Variants in JAK1 observed in about 807,000 individuals in gnomAD.
JAK1 encodes the protein Janus kinase 1, also known as tyrosine-protein kinase JAK1.
JAK1 carries 16 observed loss-of-function variants against 136.6 expected under a neutral mutation model. That is an observed-to-expected ratio of 0.12 (90% CI 0.08 to 0.18). The LOEUF is 0.18. Ranked by LOEUF, JAK1 falls within the 10% of genes least tolerant of loss-of-function variation. The pLI is 1.00. For synonymous variants in JAK1, 492 were observed against 519.5 expected, an observed-to-expected ratio of 0.95 and a Z score of 0.72; for missense variants, 859 against 1,450.1, an observed-to-expected ratio of 0.59 and a Z score of 6.62.
chr1:64,985,017 T>G lies in JAK1; in HGVS notation c.-78+59463A>C, dbSNP rs1275991880. On this transcript the variant is annotated intron_variant, in intron 2 of 25. Coordinates refer to the JAK1 transcript ENST00000671954. ...CCCAATACAGACAAAGCTTATCCCATTACACTCATCCTTCAATAACAAACA... is the reference window on the plus strand; with the variant it reads ...CCCAATACAGACAAAGCTTATCCCAGTACACTCATCCTTCAATAACAAACA... 4 of 861,052 alleles carry G rather than the reference T, an allele frequency of 4.6e-6. No homozygotes were observed. The African/African-American group carries it at 6.6e-5, about 14-fold the overall frequency. 53.3% of individuals were successfully genotyped at this position (861,052 alleles called of 1,614,324 possible). A position where few individuals can be genotyped will look rare whatever the true frequency, so the allele number is the denominator to read the frequency against.
intron 1 of JAK1, among the ~76,000 whole-genome samples, chr1:64,917,769 G>A (rs180927243): frequency 1.0e-3 from 158 of 152,280 alleles, no homozygotes; most frequent in Non-Finnish European, 1.6e-3. Flanking sequence ...CCAGGGTGGA[G>A]CAGCACATTC....
At chr1:65,007,044 T>C (rs960743491) in intron 2 of JAK1, among the ~76,000 whole-genome samples, 2 of 152,180 alleles carry the variant, frequency 1.3e-5, no homozygotes, top group Non-Finnish European at 1.5e-5. Flanking sequence ...GTGGACCTAA[T>C]AGCCAAGCAA....
chr1:64,981,834 C>G (rs1446213280), intron 2 of JAK1, among the ~76,000 whole-genome samples: 1 of 152,188 alleles, frequency 6.6e-6, no homozygotes, highest in East Asian at 1.9e-4. Context: ...AGCTCCTGTT[C>G]TTTTCACTGT....
intron 1 of JAK1, among the ~76,000 whole-genome samples, chr1:65,062,829 CTTGATTGA>C (rs142350431): frequency 1.3e-5 from 2 of 152,296 alleles, no homozygotes; most frequent in South Asian, 2.1e-4. Flanking sequence ...TCAACAGATA[CTTGATTGA>C]TTGATTAATT....
chr1:64,916,064 C>T (rs1195719498), intron 1 of JAK1, among the ~76,000 whole-genome samples: 3 of 152,170 alleles, frequency 2.0e-5, no homozygotes, highest in East Asian at 1.9e-4. Flanking sequence ...CTCTTAGTGA[C>T]GTTCAAAGTT....
At chr1:65,026,926 T>A (rs913715231) in intron 2 of JAK1, among the ~76,000 whole-genome samples, 1 of 151,974 alleles carries the variant, frequency 6.6e-6, no homozygotes, top group African/African-American at 2.4e-5. Context: ...CACTCTAGCC[T>A]GGGCAACAGA....
chr1:64,889,667 T>C (rs1434593530), intron 1 of JAK1, among the ~76,000 whole-genome samples: 1 of 152,190 alleles, frequency 6.6e-6, no homozygotes, highest in African/African-American at 2.4e-5. Flanking sequence ...CTGCAATAGA[T>C]AAAATGTCAG....
chr1:64,973,156 G>GAAGA lies in JAK1; in HGVS notation c.-78+71320_-78+71323dup, dbSNP rs1218649134. 30 of 120,686 alleles carry GAAGA rather than the reference G, an allele frequency of 2.5e-4. 5 individuals are homozygous for GAAGA. The highest frequency in any genetic ancestry group is 4.4e-4 in the Admixed American group (5 of 11,312). 7.5% of individuals were successfully genotyped at this position (120,686 alleles called of 1,614,324 possible). ...GAAAAAGAGAAAGAAAGAAAGAAAG[G>GAAGA]AAGAAAGGAAGAAAAAGAAAGAAAG... On this transcript the variant is annotated intron_variant, in intron 2 of 25. Coordinates refer to the JAK1 transcript ENST00000671954.
intron 5 of JAK1, among the ~76,000 whole-genome samples, chr1:64,869,917 T>C (rs1656970427): frequency 6.6e-6 from 1 of 152,126 alleles, no homozygotes; most frequent in African/African-American, 2.4e-5. Flanking sequence ...CTGGTGTAGC[T>C]CTAGGGAAAG....
At chr1:64,900,351 A>T (rs1296601334) in intron 1 of JAK1, among the ~76,000 whole-genome samples, 1 of 152,228 alleles carries the variant, frequency 6.6e-6, no homozygotes, top group Non-Finnish European at 1.5e-5. Context: ...GGAACAGATG[A>T]GCTCCATTCT....
chr1:65,037,660 G>A (rs1214956239), intron 2 of JAK1, among the ~76,000 whole-genome samples: 1 of 152,062 alleles, frequency 6.6e-6, no homozygotes, highest in Non-Finnish European at 1.5e-5. Flanking sequence ...CCCAGGAGCT[G>A]GAGACCAGCC....
intron 19 of JAK1, among the ~76,000 whole-genome samples, chr1:64,840,551 TAC>T (rs1654828773): frequency 6.6e-6 from 1 of 152,224 alleles, no homozygotes; most frequent in Non-Finnish European, 1.5e-5. Flanking sequence ...TAAAGAGCCT[TAC>T]AGGGCTGGGT....
intron 1 of JAK1, among the ~76,000 whole-genome samples, chr1:65,062,366 C>T (rs1486135505): frequency 6.6e-6 from 1 of 152,216 alleles, no homozygotes; most frequent in Admixed American, 6.5e-5. Flanking sequence ...AATGATCCAC[C>T]CCTGGCTAAA....
At chr1:65,012,638 C>T (rs1353219840) in intron 2 of JAK1, among the ~76,000 whole-genome samples, 1 of 151,906 alleles carries the variant, frequency 6.6e-6, no homozygotes, top group Non-Finnish European at 1.5e-5. Context: ...AGAAAATTCA[C>T]CAAATTAGCT....
rs1374324844 is a variant in JAK1 at position 64,838,005 on chromosome 1, C to T, written c.3067G>A (p.Gly1023Ser). 6.2e-7 allele frequency: 1 copy of T among 1,614,128 alleles called. No homozygotes were observed. Among genetic ancestry groups the T allele is most frequent in the Non-Finnish European group, 8.5e-7 (1 of 1,180,008 alleles). ...TCGGTTTCAATTGCTTTGGTTAAAC[C>T]GAAGTCTCCAATTTTCACTTGGTGT... is the stretch of plus-strand genomic sequence containing the variant. ...SEHQVKIGDF[G>S]LTKAIETDKE... is the part of the protein sequence containing the mutation. The change falls in exon 22 of 25, where the codon GGT becomes AGT. Residue 1023 changes from glycine to serine, a missense_variant. Physicochemically the swap from Gly to Ser is moderately conservative, Grantham distance 56. Coordinates refer to ENST00000342505, the MANE Select transcript of JAK1 (RefSeq NM_002227.4).
chr1:64,955,186 G>A (rs1646161517), intron 1 of JAK1, among the ~76,000 whole-genome samples: 1 of 152,212 alleles, frequency 6.6e-6, no homozygotes, highest in Non-Finnish European at 1.5e-5. Flanking sequence ...TGGGAAAGGT[G>A]ACATTACGAA....
At chr1:64,989,360 T>TAAAA (rs2100718811) in intron 2 of JAK1, 1 of 150,198 alleles carries the variant, frequency 6.7e-6, no homozygotes, top group African/African-American at 2.5e-5. Context: ...AATAAATAAA[T>TAAAA]AAATAAATAA....
chr1:64,980,935 T>C (rs1289788790), intron 2 of JAK1, among the ~76,000 whole-genome samples: 1 of 152,254 alleles, frequency 6.6e-6, no homozygotes. Context: ...TAGTATTCCA[T>C]GGTGTATATG....
At chr1:65,040,812 T>C (rs559084838) in intron 2 of JAK1, among the ~76,000 whole-genome samples, 7 of 152,228 alleles carry the variant, frequency 4.6e-5, no homozygotes, top group South Asian at 2.1e-4. Flanking sequence ...AAAAAAAACA[T>C]AGTCCTGCTT....
Sources: gnomAD v4.1 joint callset for allele counts (sites outside exome capture counted in the v4.1 genomes callset) on GRCh38, gnomAD v4.1.1 for gene constraint, MANE v1.5 for transcripts, NCBI Gene and HGNC (gene_info 2026-07-23, HGNC 2026-07-21) for gene names.